The following ESCO2 variants were observed in gnomAD, a reference collection of about 807,000 sequenced individuals.
ESCO2 encodes the protein establishment of sister chromatid cohesion N-acetyltransferase 2.
In ESCO2, 51 loss-of-function variants were observed where a neutral mutation model predicts 61.7. That is an observed-to-expected ratio of 0.83 (90% CI 0.66 to 1.04). ESCO2 has a LOEUF of 1.04. Ranked by LOEUF, ESCO2 falls within the 50% of genes least tolerant of loss-of-function variation. The probability of loss-of-function intolerance (pLI) is 0.00; values close to 1 mark genes in which losing one functional copy is unlikely to be tolerated. For synonymous variants in ESCO2, 230 were observed against 238.2 expected (o/e 0.97, Z 0.32); for missense variants, 692 against 686.2 (o/e 1.01, Z -0.09).
Position 27,776,672 on chromosome 8 carries a change from G to A in ESCO2, c.364G>A (p.Val122Met). Residue 122 changes from valine to methionine, a missense_variant, in exon 3 of 11, where the codon GTG (valine) becomes ATG (methionine). Transcript: ENST00000305188. ...TNDEDKSFPIVTEKMQGKPVC... is the reference protein window; with the variant it reads ...TNDEDKSFPIMTEKMQGKPVC... ...TGATGAAGATAAATCTTTTCCCATT[G>A]TGACAGAAAAAATGCAAGGAAAACC... is the stretch of plus-strand genomic sequence containing the variant. The A allele has an allele frequency of 1.2e-6, 2 of 1,613,766 alleles. No homozygotes were observed. Among genetic ancestry groups the A allele is most frequent in the Non-Finnish European group, 8.5e-7 (1 of 1,180,000 alleles).
downstream of ESCO2, among the ~76,000 whole-genome samples, chr8:27,805,975 C>G (rs933537863): frequency 6.6e-6 from 1 of 152,068 alleles, no homozygotes; most frequent in Non-Finnish European, 1.5e-5. Context: ...GGACCTGGGG[C>G]TCTTTGGAGA....
chr8:27,794,366 G>A (rs548733398), intron 9 of ESCO2, among the ~76,000 whole-genome samples: 3 of 152,110 alleles, frequency 2.0e-5, no homozygotes, highest in African/African-American at 7.2e-5. Context: ...TGTTGAATGA[G>A]CATTTTTTCA....
Position 27,802,739 on chromosome 8 carries a change from C to T in ESCO2, c.1674-567C>T, listed in dbSNP as rs187518110. ...TTTGGCTTTTAATTAACAATATGAT[C>T]TTTTTTTTATTTTTATTTTTTGATT... On this transcript the variant is annotated intron_variant, in intron 10 of 10. Coordinates refer to ENST00000305188, the MANE Select transcript of ESCO2 (RefSeq NM_001017420.3). 4.6e-5 allele frequency among the ~76,000 whole-genome samples: 6 copies of T among 129,898 alleles called. No homozygotes were observed. The Admixed American group carries it at 5.0e-4, about 11-fold the overall frequency. The allele number at this position is 129,898 out of a possible 152,430, so 85.2% of individuals were successfully genotyped here. A position where few individuals can be genotyped will look rare whatever the true frequency, so the allele number is the denominator to read the frequency against.
chr8:27,796,257 T>G (rs117601612), intron 9 of ESCO2, among the ~76,000 whole-genome samples: 1 of 152,272 alleles, frequency 6.6e-6, no homozygotes, highest in Non-Finnish European at 1.5e-5. Flanking sequence ...TCCTTTGTAC[T>G]TCTGTGATAA....
At chr8:27,785,802 C>G (rs181222696) in intron 5 of ESCO2, among the ~76,000 whole-genome samples, 10 of 152,018 alleles carry the variant, frequency 6.6e-5, no homozygotes, top group Non-Finnish European at 1.5e-5. Context: ...GAGATTTAAT[C>G]TATTACTTCA....
rs1805188265 is a variant in ESCO2, at chr8:27,792,034, A to G, written c.1335A>G (p.Pro445=). The change falls in exon 8 of 11, where the codon CCA becomes CCG. Residue 445 remains proline (P), a synonymous_variant. Transcript: ENST00000305188. ...GKIVLVLPHD[P]SFAIKKVEDV... ...TCGTGTTGGTTCTGCCACATGATCCAAGCTTTGCTATCAAAAAGGTATGGA... is the reference window on the plus strand; with the variant it reads ...TCGTGTTGGTTCTGCCACATGATCCGAGCTTTGCTATCAAAAAGGTATGGA... 6.2e-7 allele frequency: 1 copy of G among 1,614,116 alleles called. No homozygotes were observed. The highest frequency in any genetic ancestry group is 8.5e-7 in the Non-Finnish European group (1 of 1,179,994).
chr8:27,817,569 C>T (rs1363502596), downstream of ESCO2, among the ~76,000 whole-genome samples: 1 of 150,588 alleles, frequency 6.6e-6, no homozygotes, highest in African/African-American at 2.4e-5. Context: ...TTTCTATAAA[C>T]CTAGTTATAT....
intron 6 of ESCO2, among the ~76,000 whole-genome samples, chr8:27,788,323 GC>G (rs1805094541): frequency 6.6e-6 from 1 of 151,942 alleles, no homozygotes; most frequent in South Asian, 2.1e-4. Context: ...TTGAAATAAG[GC>G]TTTTTCAGGT....
chr8:27,805,530 TTAAGTA>T (rs1805548069), downstream of ESCO2, among the ~76,000 whole-genome samples: 1 of 152,180 alleles, frequency 6.6e-6, no homozygotes, highest in Admixed American at 6.5e-5. Flanking sequence ...TGTTTTGTTT[TTAAGTA>T]TAACACATAC....
intron 9 of ESCO2, among the ~76,000 whole-genome samples, chr8:27,798,454 G>A (rs902210141): frequency 9.3e-5 from 12 of 128,808 alleles, no homozygotes; most frequent in African/African-American, 2.3e-4. Flanking sequence ...GTGAGACTCC[G>A]TCTCTTTAAA....
chr8:27,803,037 A>G (rs978827798), intron 10 of ESCO2, among the ~76,000 whole-genome samples: 2 of 152,092 alleles, frequency 1.3e-5, no homozygotes, highest in African/African-American at 2.4e-5. Context: ...CTGGCCTAGC[A>G]ATATGATCTT....
At chr8:27,806,977 A>G (rs1462587750), downstream of ESCO2, among the ~76,000 whole-genome samples, 1 of 151,462 alleles carries the variant, frequency 6.6e-6, no homozygotes, top group Non-Finnish European at 1.5e-5. Flanking sequence ...GCTGATATAT[A>G]AACTACAAGT....
At chr8:27,809,201 A>G (rs932806615), downstream of ESCO2, among the ~76,000 whole-genome samples, 2 of 152,146 alleles carry the variant, frequency 1.3e-5, no homozygotes, top group Admixed American at 6.5e-5. Context: ...AGGATGCAAA[A>G]TTATACATAC....
chr8:27,798,432 C>T (rs1805351531), intron 9 of ESCO2, among the ~76,000 whole-genome samples: 1 of 151,576 alleles, frequency 6.6e-6, no homozygotes, highest in African/African-American at 2.4e-5. Context: ...GCAATCCAGC[C>T]TGGGCCACAG....
Position 27,774,559 on chromosome 8 carries a change from C to G in ESCO2, c.-65C>G, listed in dbSNP as rs1169770139. ...GCGCGCGATTATTTGAAGACGCTCA[C>G]GGAGCGGCTGGCTAGGCTGAGGAGA... is the stretch of plus-strand genomic sequence containing the variant. On this transcript the variant is annotated 5_prime_UTR_variant, in exon 1 of 11. Coordinates refer to ENST00000305188, the MANE Select transcript of ESCO2 (RefSeq NM_001017420.3). 2 of 152,190 alleles carry G rather than the reference C, an allele frequency of 1.3e-5. No individual in the cohort carries two copies. Among genetic ancestry groups the G allele is most frequent in the African/African-American group, 4.8e-5 (2 of 41,388 alleles). The allele number at this position is 152,190 out of a possible 1,614,324, so 9.4% of individuals were successfully genotyped here.
chr8:27,783,615 T>G (rs1056687921), intron 4 of ESCO2, among the ~76,000 whole-genome samples: 1 of 152,154 alleles, frequency 6.6e-6, no homozygotes, highest in Non-Finnish European at 1.5e-5. Context: ...TATTATTAAT[T>G]TTTTTACAGA....
chr8:27,788,121 G>A (rs1277253915), intron 6 of ESCO2, 119 bp downstream of exon 6: 1 of 718,008 alleles, frequency 1.4e-6, no homozygotes, highest in African/African-American at 1.8e-5. Flanking sequence ...TGTTTTATGT[G>A]ACAGAATGGG....
upstream of ESCO2, among the ~76,000 whole-genome samples, chr8:27,772,889 G>A (rs1804685679): frequency 1.3e-5 from 2 of 152,158 alleles, no homozygotes; most frequent in Admixed American, 1.3e-4. Context: ...ATAAGTTAAT[G>A]GGCGCCAAGG....
chr8:27,801,792 C>T (rs1805431366), intron 10 of ESCO2, among the ~76,000 whole-genome samples: 1 of 151,944 alleles, frequency 6.6e-6, no homozygotes, highest in Non-Finnish European at 1.5e-5. Context: ...TATTTTGTTA[C>T]ATATATTATG....
Sources: allele counts gnomAD v4.1 joint callset (sites outside exome capture counted in the v4.1 genomes callset), GRCh38; gene constraint gnomAD v4.1.1; transcripts MANE v1.5; gene names NCBI Gene and HGNC (gene_info 2026-07-23, HGNC 2026-07-21).